Variants in AP5Z1 observed in about 807,000 individuals in gnomAD.
AP5Z1 encodes the protein adaptor related protein complex 5 subunit zeta 1.
A neutral mutation model predicts 83.0 loss-of-function variants in AP5Z1; 106 were observed. That is an observed-to-expected ratio of 1.28 (90% CI 1.09 to 1.50). AP5Z1 has a LOEUF of 1.50. Ranked by LOEUF, AP5Z1 falls within the 40% of genes most tolerant of loss-of-function variation. The pLI, the probability that AP5Z1 is intolerant of heterozygous loss-of-function variation, is 0.00. For missense variants in AP5Z1, 1,565 were observed against 1,094.2 expected, an observed-to-expected ratio of 1.43 and a Z score of -6.07; for synonymous variants, 751 against 514.1, an observed-to-expected ratio of 1.46 and a Z score of -6.23.
chr7:4,776,594 G>T (rs535176382), intron 1 of AP5Z1, among the ~76,000 whole-genome samples: 1 of 151,700 alleles, frequency 6.6e-6, no homozygotes, highest in Non-Finnish European at 1.5e-5. Context: ...AATTAGCCGG[G>T]CGTGGTGGTG....
At chr7:4,784,853 A>G (rs928040434) in intron 6 of AP5Z1, 55 bp from the exon 7 acceptor site, 1 of 1,570,900 alleles carries the variant, frequency 6.4e-7, no homozygotes. Flanking sequence ...GGCAGCAGGC[A>G]TGTCCCAGCC....
intron 1 of AP5Z1, among the ~76,000 whole-genome samples, chr7:4,778,025 C>T (rs1472123263): frequency 6.6e-6 from 1 of 152,202 alleles, no homozygotes; most frequent in Non-Finnish European, 1.5e-5. Flanking sequence ...TTGAGACCAG[C>T]CTGGACAACA....
At chr7:4,788,387 G>A in intron 12 of AP5Z1, 93 bp downstream of exon 12, 1 of 1,392,424 alleles carries the variant, frequency 7.2e-7, no homozygotes, top group Non-Finnish European at 9.5e-7. Context: ...CTAGGCTGAG[G>A]CCAGGGTGCT....
At chr7:4,785,759 CCTTT>C (rs1191406113) in intron 9 of AP5Z1, 75 bp downstream of exon 9, 38 of 1,318,828 alleles carry the variant, frequency 2.9e-5, no homozygotes, top group Non-Finnish European at 3.1e-5. Context: ...TTTCTTCTTC[CCTTT>C]TTTTTTTTTT....
rs371114183 is a variant in AP5Z1, at chr7:4,791,291, C to T, written c.2330C>T (p.Pro777Leu). 4 of 1,612,530 alleles carry T rather than the reference C, an allele frequency of 2.5e-6. No homozygotes were observed. The highest frequency in any genetic ancestry group is 2.5e-6 in the Non-Finnish European group (3 of 1,179,806). Reference protein sequence around the residue: ...VLTPSTEVCSPRYHRDANTAL... With the variant: ...VLTPSTEVCSLRYHRDANTAL... Reference sequence around the variant, plus strand: ...ACACCCAGCACGGAGGTGTGCAGCCCCCGCTATCACCGCGATGCCAACACG... The same window carrying T: ...ACACCCAGCACGGAGGTGTGCAGCCTCCGCTATCACCGCGATGCCAACACG... The change falls in exon 17 of 17, where the codon CCC (proline) becomes CTC (leucine). Residue 777 changes from proline to leucine, a missense_variant. Pro to Leu is a moderately conservative substitution (Grantham distance 98). Coordinates refer to ENST00000649063, the MANE Select transcript of AP5Z1 (RefSeq NM_014855.3).
intron 1 of AP5Z1, among the ~76,000 whole-genome samples, chr7:4,777,788 C>G (rs982292673): frequency 1.1e-4 from 16 of 152,204 alleles, no homozygotes; most frequent in Admixed American, 6.5e-4. Context: ...ATGTAACATA[C>G]ATGAGTTCTG....
intron 14 of AP5Z1, 150 bp from the exon 15 acceptor site, chr7:4,790,309 G>C: frequency 6.5e-7 from 1 of 1,547,886 alleles, no homozygotes; most frequent in Non-Finnish European, 8.7e-7. Context: ...CAGTTTCTCT[G>C]AGGCTGGCAG....
At chr7:4,778,202 G>T (rs1445799347) in intron 1 of AP5Z1, among the ~76,000 whole-genome samples, 1 of 152,240 alleles carries the variant, frequency 6.6e-6, no homozygotes, top group African/African-American at 2.4e-5. Context: ...TCCAGCTCGG[G>T]TGACAGAGGG....
intron 9 of AP5Z1, 119 bp from the exon 10 acceptor site, chr7:4,786,131 C>T (rs1230891589): frequency 1.1e-5 from 12 of 1,065,550 alleles, no homozygotes; most frequent in South Asian, 1.8e-5. Context: ...CAGCGTAGGA[C>T]GCCTCGGAGC....
Position 4,788,857 on chromosome 7 carries a change from A to C in AP5Z1, c.1613A>C (p.Gln538Pro), listed in dbSNP as rs1244066981. ...GTCCTCAGGTTGGCGCCACTCCACC[A>C]GCTGCTGCAGCCCATGGCCGGCTGT... ...GATERLAPLH[Q>P]LLQPMAGCAR... is the part of the protein sequence containing the mutation. The change falls in exon 13 of 17, where the codon CAG (glutamine) becomes CCG (proline). Residue 538 changes from glutamine to proline, a missense_variant. By Grantham distance (76) the Gln-to-Pro change is moderately conservative. Coordinates refer to ENST00000649063, the MANE Select transcript of AP5Z1 (RefSeq NM_014855.3). 1 of 1,608,058 alleles carries C rather than the reference A, an allele frequency of 6.2e-7. No individual in the cohort carries two copies.
intron 10 of AP5Z1, among the ~76,000 whole-genome samples, chr7:4,786,832 G>A (rs907473879): frequency 5.9e-5 from 9 of 151,868 alleles, no homozygotes; most frequent in Non-Finnish European, 1.3e-4. Flanking sequence ...GTGCAGTGGC[G>A]CAATCTCAGC....
In AP5Z1 at chr7:4,790,882, C is replaced by A. The variant is rs578236834; in HGVS notation, c.2148C>A (p.Ile716=). ...TKLASRSQDL[I]PRASLLLSKM... is the part of the protein sequence containing the mutation. ...TGGCCTCCCGGAGCCAAGATCTGAT[C>A]CCCAGGTGCCTGGTCAGGGAGGGAG... The change falls in exon 16 of 17, where the codon ATC becomes ATA. Residue 716 remains isoleucine (I), a synonymous_variant. Coordinates refer to ENST00000649063, the MANE Select transcript of AP5Z1 (RefSeq NM_014855.3). The A allele has an allele frequency of 5.9e-5, 95 of 1,600,564 alleles. No homozygotes were observed. The highest frequency in any genetic ancestry group is 1.7e-4 in the Middle Eastern group (1 of 5,978).
At chr7:4,789,754 CTCACCATGGCT>C (rs934541670) in intron 13 of AP5Z1, 67 bp from the exon 14 acceptor site, 551 of 1,183,652 alleles carry the variant, frequency 4.7e-4, no homozygotes, top group Non-Finnish European at 6.1e-4. Flanking sequence ...CCCCCCAGCC[CTCACCATGGCT>C]TCACCCCCAA....
intron 11 of AP5Z1, 30 bp from the exon 12 acceptor site, chr7:4,788,124 C>CTG: frequency 3.3e-6 from 5 of 1,500,528 alleles, no homozygotes; most frequent in Non-Finnish European, 1.8e-6. Context: ...GGCCGCATCC[C>CTG]AGCCTGGCCT....
At position 4,787,653 on chromosome 7, in the gene AP5Z1, C is replaced by T; in HGVS notation, c.1331C>T (p.Pro444Leu). 1.3e-6 allele frequency: 2 copies of T among 1,553,212 alleles called. No homozygotes were observed. The highest frequency in any genetic ancestry group is 1.7e-6 in the Non-Finnish European group (2 of 1,148,918). The change falls in exon 11 of 17, where the codon CCA becomes CTA. Residue 444 changes from proline (P) to leucine (L), a missense_variant. Coordinates refer to ENST00000649063, the MANE Select transcript of AP5Z1 (RefSeq NM_014855.3). Reference sequence around the variant, plus strand: ...CCACAGTTCCTGGCCTGGAACAGCCCACCCCTCACCTCCGAGTTTGTGGCG... The same window carrying T: ...CCACAGTTCCTGGCCTGGAACAGCCTACCCCTCACCTCCGAGTTTGTGGCG... Reference protein sequence around the residue: ...NLFKFLAWNSPPLTSEFVALL... With the variant: ...NLFKFLAWNSLPLTSEFVALL...
Position 4,787,741 on chromosome 7 carries a change from G to A in AP5Z1, c.1419G>A (p.Leu473=), listed in dbSNP as rs1256999635. 1 of 1,545,848 alleles carries A rather than the reference G, an allele frequency of 6.5e-7. No individual in the cohort carries two copies. The highest frequency in any genetic ancestry group is 8.7e-7 in the Non-Finnish European group (1 of 1,148,520). The change falls in exon 11 of 17, where the codon CTG becomes CTA. Residue 473 remains leucine, a synonymous_variant. Coordinates refer to ENST00000649063, the MANE Select transcript of AP5Z1 (RefSeq NM_014855.3). ...ALEMLHALLD[L]PCLTAVLDLQ... ...AGATGCTGCACGCGCTGCTGGACCT[G>A]CCCTGCTTGACGGCGGTGCTGGACC...
At chr7:4,788,756 A>G (rs1373638692) in intron 12 of AP5Z1, 84 bp from the exon 13 acceptor site, 1 of 1,219,892 alleles carries the variant, frequency 8.2e-7, no homozygotes, top group Non-Finnish European at 1.1e-6. Context: ...CAGCTGTGCG[A>G]GAGGGAGCAG....
At chr7:4,783,840 C>CAGACAACCCCTCCCTGAGAGCTCCTGT (rs1781454625) in intron 5 of AP5Z1, 42 bp downstream of exon 5, 2 of 1,522,134 alleles carry the variant, frequency 1.3e-6, no homozygotes, top group Non-Finnish European at 1.8e-6. Flanking sequence ...AACAGAGTCA[C>CAGACAACCCCTCCCTGAGAGCTCCTGT]AGACAACCCC....
Position 4,781,341 on chromosome 7 carries a change from C to T in AP5Z1, c.179+29C>T, listed in dbSNP as rs774649185. On this transcript the variant is annotated intron_variant, in intron 2 of 16. Coordinates refer to ENST00000649063, the MANE Select transcript of AP5Z1 (RefSeq NM_014855.3). ...AGTGTGGCGACGGCTCAGGCCGGCT[C>T]CTCACACAGCGGCCCCAGGAGAACC... 16 of 1,610,898 alleles carry T rather than the reference C, an allele frequency of 9.9e-6. No individual in the cohort carries two copies. The Middle Eastern group carries it at 5.6e-4, about 57-fold the overall frequency.
Sources: allele counts gnomAD v4.1 joint callset (sites outside exome capture counted in the v4.1 genomes callset), GRCh38; gene constraint gnomAD v4.1.1; transcripts MANE v1.5; gene names NCBI Gene and HGNC (gene_info 2026-07-23, HGNC 2026-07-21).